The following OSBPL7 variants were observed in gnomAD, a reference collection of about 807,000 sequenced individuals.
OSBPL7 encodes oxysterol binding protein like 7, also known as oxysterol-binding protein-related protein 7.
In OSBPL7, 66 loss-of-function variants were observed where a neutral mutation model predicts 115.8. That is an observed-to-expected ratio of 0.57 (90% confidence interval 0.47 to 0.70). The LOEUF is 0.70. Ranked by LOEUF, OSBPL7 falls within the 30% of genes least tolerant of loss-of-function variation. The pLI is 0.00. For missense variants in OSBPL7, 902 were observed against 1,125.5 expected (o/e 0.80, Z 2.84); for synonymous variants, 441 against 439.2 (o/e 1.00, Z -0.05).
Position 47,809,128 on chromosome 17 carries a change from G to A in OSBPL7, c.2118C>T (p.His706=), listed in dbSNP as rs537122144. 166 of 1,614,102 alleles carry A rather than the reference G, an allele frequency of 1.0e-4. 1 individual carries two copies. In the South Asian group the frequency reaches 1.6e-3, roughly 15 times the overall value. ...RVLHRLFGKW[H]EGLYRGPTPG... is the part of the protein sequence containing the mutation. ...GCGTGGGTCCCCGGTACAGCCCCTC[G>A]TGCCACTTCCCAAAGAGTCGGTGGA... is the stretch of plus-strand genomic sequence containing the variant. The change falls in exon 20 of 23, where the codon CAC becomes CAT. Residue 706 remains histidine (H), a synonymous_variant. Transcript: ENST00000007414.
In OSBPL7 at chr17:47,809,201, T is replaced by C. The variant is rs556290712; in HGVS notation, c.2045A>G (p.Asn682Ser). ...TFCKAKYWSSNVHEVQGAVLS... is the reference protein window; with the variant it reads ...TFCKAKYWSSSVHEVQGAVLS... ...CACAGCGCCCTGCACCTCGTGGACA[T>C]TGGAACTCCAGTACTTGGCCTGGGG... The change falls in exon 20 of 23, where the codon AAT becomes AGT. Residue 682 changes from asparagine (N) to serine (S), a missense_variant. By Grantham distance (46) the Asn-to-Ser change is conservative. Around this residue, in one of 3 missense-constraint regions of OSBPL7, gnomAD observed 230 missense variants for 312.7 expected, o/e 0.74. Transcript: ENST00000007414. The C allele has an allele frequency of 1.6e-5, 26 of 1,614,120 alleles. No individual in the cohort carries two copies. The Middle Eastern group carries it at 8.2e-4, about 51-fold the overall frequency.
In OSBPL7 at chr17:47,808,967, G is replaced by C. The variant is rs756209960; in HGVS notation, c.2194C>G (p.Arg732Gly). Residue 732 changes from arginine (R) to glycine (G), a missense_variant, in exon 21 of 23, where the codon CGA (arginine) becomes GGA (glycine). Arg to Gly is a moderately radical substitution (Grantham distance 125). This residue lies in a region of OSBPL7 where 230 missense variants were observed against 312.7 expected (regional missense o/e 0.74). Coordinates refer to ENST00000007414, the MANE Select transcript of OSBPL7 (RefSeq NM_145798.3). The surrounding 1 kb of genome is among the most constrained non-coding windows in gnomAD (Gnocchi z 6.1). Reference protein sequence around the residue: ...KPNSMPPDHERNFGFTQFALE... With the variant: ...KPNSMPPDHEGNFGFTQFALE... ...GCAAACTGGGTGAAGCCGAAGTTTC[G>C]CTCATGGTCGGGGGGCATTGAGTCT... 1 of 1,614,032 alleles carries C rather than the reference G, an allele frequency of 6.2e-7. No individual in the cohort carries two copies. Among genetic ancestry groups the C allele is most frequent in the Non-Finnish European group, 8.5e-7 (1 of 1,180,042 alleles).
chr17:47,813,938 G>T, intron 14 of OSBPL7, 104 bp from the exon 15 acceptor site: 1 of 1,411,310 alleles, frequency 7.1e-7, no homozygotes, highest in South Asian at 1.4e-5. Context: ...AAGCCCCTGG[G>T]ACATTCGCCC....
rs79008006 is a variant in OSBPL7 at position 47,817,319 on chromosome 17, C to T, written c.639G>A (p.Arg213=). 2.6e-5 allele frequency: 41 copies of T among 1,604,956 alleles called. No homozygotes were observed. The East Asian group carries it at 8.9e-4, about 35-fold the overall frequency. The change falls in exon 8 of 23, where the codon AGG becomes AGA. Residue 213 remains arginine (R), a synonymous_variant. Transcript: ENST00000007414. ...GCAGGGACTCCAGGCTCTGGAGGAG[C>T]CTGTGTAGTTCCTGGAGCTTCCCCT... ...ECQGKLQELH[R]LLQSLESLHR...
chr17:47,819,577 C>T, intron 4 of OSBPL7, 152 bp downstream of exon 4: 1 of 876,100 alleles, frequency 1.1e-6, no homozygotes, highest in Non-Finnish European at 1.8e-6. Flanking sequence ...AAGCTATGGC[C>T]CAGGGATGTA....
At position 47,818,135 on chromosome 17, in the gene OSBPL7, T is replaced by G. The variant is rs1203164707; in HGVS notation, c.598+134A>C. ...TCCCCTAGACAGGGCCCAGGTAGAC[T>G]GGATCTCCTTGGAGGCAGAGGCTGT... On this transcript the variant is annotated intron_variant, in intron 7 of 22. Transcript: ENST00000007414. 23 of 739,200 alleles carry G rather than the reference T, an allele frequency of 3.1e-5. No homozygotes were observed. In the East Asian group the frequency reaches 6.1e-4, roughly 20 times the overall value. 45.8% of individuals were successfully genotyped at this position (739,200 alleles called of 1,614,324 possible).
At position 47,808,424 on chromosome 17, in the gene OSBPL7, G is replaced by C. The variant is rs2032925095; in HGVS notation, c.2421-25C>G. On this transcript the variant is annotated intron_variant, in intron 22 of 22. Transcript: ENST00000007414. The surrounding 1 kb of genome is among the most constrained non-coding windows in gnomAD (Gnocchi z 6.1). ...CCTGGTGGGAGAAGGCGGTGGCAGTGAGGGGTGAACATCTAGAAGGCAGGC... is the reference window on the plus strand; with the variant it reads ...CCTGGTGGGAGAAGGCGGTGGCAGTCAGGGGTGAACATCTAGAAGGCAGGC... 6.2e-7 allele frequency: 1 copy of C among 1,613,806 alleles called. No homozygotes were observed. Among genetic ancestry groups the C allele is most frequent in the Non-Finnish European group, 8.5e-7 (1 of 1,179,782 alleles).
chr17:47,819,667 C>A lies in OSBPL7; in HGVS notation c.255+62G>T, dbSNP rs2033335535. On this transcript the variant is annotated intron_variant, in intron 4 of 22. Coordinates refer to ENST00000007414, the MANE Select transcript of OSBPL7 (RefSeq NM_145798.3). ...TCTGGTCGATTCCAGATACCCCATGCCTGCCCAGGGCATACTGGGGCCAGA... is the reference window on the plus strand; with the variant it reads ...TCTGGTCGATTCCAGATACCCCATGACTGCCCAGGGCATACTGGGGCCAGA... The A allele has an allele frequency of 3.3e-5, 52 of 1,591,982 alleles. 2 individuals carry two copies. The South Asian group carries it at 5.6e-4, about 17-fold the overall frequency.
rs1178939578 is a variant in OSBPL7 at position 47,816,113 on chromosome 17, A to T, written c.1113T>A (p.Pro371=). Residue 371 remains proline, a synonymous_variant, in exon 12 of 23, where the codon CCT becomes CCA. Coordinates refer to ENST00000007414, the MANE Select transcript of OSBPL7 (RefSeq NM_145798.3). The surrounding 1 kb of genome is among the most constrained non-coding windows in gnomAD (Gnocchi z 5.8). ...GCCCACCCTGGCTCCTCACCTCCTCAGGGTTGAGGGAGCTGAAAGAGTCCG... is the reference window on the plus strand; with the variant it reads ...GCCCACCCTGGCTCCTCACCTCCTCTGGGTTGAGGGAGCTGAAAGAGTCCG... ...TTADSFSSLN[P]EEQEALYMKG... 1.3e-6 allele frequency: 2 copies of T among 1,550,324 alleles called. No individual in the cohort carries two copies. Among genetic ancestry groups the T allele is most frequent in the Non-Finnish European group, 8.7e-7 (1 of 1,146,380 alleles).
chr17:47,816,960 C>T lies in OSBPL7; in HGVS notation c.703-88G>A. 4.6e-6 allele frequency: 6 copies of T among 1,316,062 alleles called. No individual in the cohort carries two copies. In the Admixed American group the frequency reaches 1.0e-4, roughly 23 times the overall value. 81.5% of individuals were successfully genotyped at this position (1,316,062 alleles called of 1,614,324 possible). A position where few individuals can be genotyped will look rare whatever the true frequency, so the allele number is the denominator to read the frequency against. ...CAGCCTGGGAGAGGTAGACGGCCTC[C>T]TGCGCCATGGAGGAGGGCGCAGATT... On this transcript the variant is annotated intron_variant, in intron 8 of 22. Transcript: ENST00000007414. This position sits in a 1 kb window ranked among gnomAD's most constrained non-coding sequence, Gnocchi z 5.8.
In OSBPL7 at chr17:47,810,855, A is replaced by G. The variant is rs758416682; in HGVS notation, c.1738-20T>C. On this transcript the variant is annotated intron_variant, in intron 16 of 22. Coordinates refer to ENST00000007414, the MANE Select transcript of OSBPL7 (RefSeq NM_145798.3). The stretch of plus-strand genomic sequence containing the variant: ...GGAGACCTTGGTGAGCAAAGAAGTT[A>G]TCTTGAGGCTGTCCCCGAGCACCAT... The G allele has an allele frequency of 1.2e-6, 2 of 1,611,606 alleles. No individual in the cohort carries two copies. The highest frequency in any genetic ancestry group is 2.2e-5 in the South Asian group (2 of 90,748).
At chr17:47,818,956 A>G (rs1164749629) in intron 5 of OSBPL7, 30 bp downstream of exon 5, 3 of 1,589,894 alleles carry the variant, frequency 1.9e-6, no homozygotes, top group Admixed American at 3.3e-5. Context: ...GTTGGGGGCC[A>G]ACACACGTCC....
intron 16 of OSBPL7, among the ~76,000 whole-genome samples, chr17:47,812,378 G>C (rs2033071814): frequency 6.6e-6 from 1 of 152,170 alleles, no homozygotes; most frequent in Non-Finnish European, 1.5e-5. Flanking sequence ...CTCCCTCTAA[G>C]CTGGCCACTC....
chr17:47,817,211 G>C (rs1016640310), intron 8 of OSBPL7, 45 bp downstream of exon 8: 2 of 1,448,394 alleles, frequency 1.4e-6, no homozygotes, highest in Non-Finnish European at 1.9e-6. Flanking sequence ...GAAGTGATGG[G>C]ATCGGGGGCC....
rs761424199 is a variant in OSBPL7, at chr17:47,808,652, T to C, written c.2306A>G (p.Glu769Gly). The change falls in exon 22 of 23, where the codon GAG becomes GGG. Residue 769 changes from glutamate to glycine, a missense_variant. Physicochemically the swap from Glu to Gly is moderately conservative, Grantham distance 98 (BLOSUM62 -2). Around this residue, in one of 3 missense-constraint regions of OSBPL7, gnomAD observed 230 missense variants for 312.7 expected, o/e 0.74. Coordinates refer to ENST00000007414, the MANE Select transcript of OSBPL7 (RefSeq NM_145798.3). The surrounding 1 kb of genome is among the most constrained non-coding windows in gnomAD (Gnocchi z 6.1). The stretch of plus-strand genomic sequence containing the variant: ...CTCAGCGGCCTGTATGTTCCCCTCC[T>C]CCAGGTACCTGAGGATCCAGATCAA... ...TRLRPDQRYL[E>G]EGNIQAAEAQ... is the part of the protein sequence containing the mutation. 7 of 1,614,128 alleles carry C rather than the reference T, an allele frequency of 4.3e-6. No individual in the cohort carries two copies. Among genetic ancestry groups the C allele is most frequent in the Non-Finnish European group, 5.9e-6 (7 of 1,180,002 alleles).
At chr17:47,821,363 T>G (rs2033390062) in intron 1 of OSBPL7, among the ~76,000 whole-genome samples, 1 of 152,152 alleles carries the variant, frequency 6.6e-6, no homozygotes, top group Non-Finnish European at 1.5e-5. Flanking sequence ...CCCAGGAGGT[T>G]GGGGCAGAGG....
At chr17:47,814,479 A>AACCCCCCCCCCCCC in intron 14 of OSBPL7, 42 bp downstream of exon 14, 1 of 1,086,692 alleles carries the variant, frequency 9.2e-7, no homozygotes, top group Non-Finnish European at 1.4e-6. Context: ...CTGTTTTTCC[A>AACCCCCCCCCCCCC]CCCGCCTCCC....
In OSBPL7 at chr17:47,818,604, C is replaced by T; in HGVS notation, c.382G>A (p.Asp128Asn). 6.2e-7 allele frequency: 1 copy of T among 1,612,678 alleles called. No individual in the cohort carries two copies. Among genetic ancestry groups the T allele is most frequent in the Non-Finnish European group, 8.5e-7 (1 of 1,179,768 alleles). ...TGCGCCACCCAGCTCTGGAATAGGT[C>T]CTGGGATTTGATCTGCAGAAGTGAT... ...NIYHLKIKSQ[D>N]LFQSWVAQLR... The change falls in exon 6 of 23, where the codon GAC becomes AAC. Residue 128 changes from aspartate (D) to asparagine (N), a missense_variant. Physicochemically the swap from Asp to Asn is conservative, Grantham distance 23 (BLOSUM62 1). Around this residue, in one of 3 missense-constraint regions of OSBPL7, gnomAD observed 667 missense variants for 788.7 expected, o/e 0.85. Transcript: ENST00000007414.
chr17:47,814,784 C>T (rs1186718783), intron 13 of OSBPL7, 170 bp from the exon 14 acceptor site: 20 of 634,404 alleles, frequency 3.2e-5, no homozygotes, highest in East Asian at 2.2e-4. Context: ...CCTGGCATCA[C>T]GGAGTGTGCC....
Sources: allele counts gnomAD v4.1 joint callset (sites outside exome capture counted in the v4.1 genomes callset), GRCh38; gene constraint gnomAD v4.1.1; regional missense constraint gnomAD v4.1.1; non-coding constraint Gnocchi (gnomAD v3.1); transcripts MANE v1.5; gene names NCBI Gene and HGNC (gene_info 2026-07-23, HGNC 2026-07-21).